The following TKFC variants were observed in gnomAD, a reference collection of about 807,000 sequenced individuals.
TKFC encodes the protein triokinase/FMN cyclase.
In TKFC, 46 loss-of-function variants were observed where a neutral mutation model predicts 61.0. The observed-to-expected ratio is 0.75, with a 90% CI of 0.60 to 0.96. The LOEUF (loss-of-function observed/expected upper bound fraction) is 0.96. Among genes scored for constraint, TKFC ranks in the 50% least tolerant of loss-of-function variants. The pLI is 0.00. For synonymous variants in TKFC, 314 were observed against 330.1 expected (o/e 0.95, Z 0.53); for missense variants, 715 against 777.5 (o/e 0.92, Z 0.96).
downstream of TKFC, chr11:61,349,548 G>C: frequency 1.4e-6 from 1 of 702,986 alleles, no homozygotes; most frequent in Non-Finnish European, 2.6e-6. Flanking sequence ...CTGTTCTTGG[G>C]AGAGCAGGTC....
chr11:61,342,830 C>T lies in TKFC; in HGVS notation c.851C>T (p.Thr284Ile). ...FLELGIIADATVRSLEGRGVK... is the reference protein window; with the variant it reads ...FLELGIIADAIVRSLEGRGVK... ...GAACTGGGCATCATAGCCGACGCTA[C>T]CGTCCGCTCCCTGGGTGAGCCATGC... The change falls in exon 10 of 18, where the codon ACC (threonine) becomes ATC (isoleucine). Residue 284 changes from threonine (T) to isoleucine (I), a missense_variant. By Grantham distance (89) the Thr-to-Ile change is moderately conservative. Coordinates refer to ENST00000394900, the MANE Select transcript of TKFC (RefSeq NM_015533.4). The T allele has an allele frequency of 6.2e-7, 1 of 1,614,032 alleles. No homozygotes were observed. Among genetic ancestry groups the T allele is most frequent in the South Asian group, 1.1e-5 (1 of 91,088 alleles).
chr11:61,344,358 CCT>C (rs1491353295), intron 13 of TKFC, 85 bp downstream of exon 13: 10 of 1,187,842 alleles, frequency 8.4e-6, no homozygotes, highest in South Asian at 3.5e-5. Flanking sequence ...CAGGGACCTT[CCT>C]TTTTTTTTTT....
At position 61,345,732 on chromosome 11, in the gene TKFC, G is replaced by A. The variant is rs754039805; in HGVS notation, c.1472G>A (p.Gly491Glu). ...AMQKYGKAAP[G>E]DRTMLDSLWA... Reference sequence around the variant, plus strand: ...GCCAGGTATGGCAAGGCTGCTCCAGGGGACAGGACTATGGTATGTACTCAG... The same window carrying A: ...GCCAGGTATGGCAAGGCTGCTCCAGAGGACAGGACTATGGTATGTACTCAG... The change falls in exon 16 of 18, where the codon GGG becomes GAG. Residue 491 changes from glycine (G) to glutamate (E), a missense_variant. Gly to Glu is a moderately conservative substitution (Grantham distance 98). Transcript: ENST00000394900. 13 of 1,614,142 alleles carry A rather than the reference G, an allele frequency of 8.1e-6. No individual in the cohort carries two copies. Among genetic ancestry groups the A allele is most frequent in the Middle Eastern group, 1.6e-4 (1 of 6,084 alleles).
downstream of TKFC, chr11:61,350,693 C>G (rs1857360398): frequency 1.7e-6 from 1 of 592,734 alleles, no homozygotes; most frequent in East Asian, 2.8e-5. Context: ...ACCCTTGTCA[C>G]AGTCAAGCCC....
intron 2 of TKFC, chr11:61,336,399 G>T (rs1486999103): frequency 6.5e-6 from 1 of 153,600 alleles, no homozygotes; most frequent in Non-Finnish European, 1.5e-5. Flanking sequence ...AGGTGGCGGT[G>T]GGAGCCCAGC....
Position 61,348,544 on chromosome 11 carries a change from A to C in TKFC, c.*2041A>C. ...CTGTGTTGAAAGGCTCACCCCCACT[A>C]TGGTAGTGTTAGGACGTGGGGCCTT... On this transcript the variant is annotated 3_prime_UTR_variant, in exon 18 of 18. Coordinates refer to ENST00000394900, the MANE Select transcript of TKFC (RefSeq NM_015533.4). The C allele has an allele frequency of 3.1e-6, 3 of 968,834 alleles. No homozygotes were observed. The highest frequency in any genetic ancestry group is 3.7e-6 in the Non-Finnish European group (3 of 814,794). The allele number at this position is 968,834 out of a possible 1,614,324, so 60.0% of individuals were successfully genotyped here. A position where few individuals can be genotyped will look rare whatever the true frequency, so the allele number is the denominator to read the frequency against.
chr11:61,337,389 G>T (rs1856653879), intron 2 of TKFC, among the ~76,000 whole-genome samples: 1 of 152,154 alleles, frequency 6.6e-6, no homozygotes, highest in African/African-American at 2.4e-5. Flanking sequence ...CAGGCGATCT[G>T]CCTGCCTCAG....
Position 61,346,280 on chromosome 11 carries a change from T to TTC in TKFC, c.1576-69_1576-68dup, listed in dbSNP as rs750644051. The TTC allele has an allele frequency of 6.2e-7, 1 of 1,604,566 alleles. No homozygotes were observed. The highest frequency in any genetic ancestry group is 8.5e-7 in the Non-Finnish European group (1 of 1,179,338). The stretch of plus-strand genomic sequence containing the variant: ...AGGGCCAGGCTGCACGGCAGAGACG[T>TTC]TCTGCCCATGGCAGGAAGGAGGCGG... On this transcript the variant is annotated intron_variant, in intron 17 of 17. Transcript: ENST00000394900. This position sits in a 1 kb window ranked among gnomAD's most constrained non-coding sequence, Gnocchi z 4.1.
intron 2 of TKFC, 141 bp from the exon 3 acceptor site, chr11:61,337,800 G>A (rs970318161): frequency 2.4e-5 from 16 of 670,812 alleles, no homozygotes; most frequent in Admixed American, 3.5e-5. Context: ...CTAAGATGTC[G>A]CCCAACTCAA....
intron 12 of TKFC, 60 bp downstream of exon 12, chr11:61,344,035 T>G (rs1590574537): frequency 6.2e-7 from 1 of 1,600,504 alleles, no homozygotes; most frequent in South Asian, 1.1e-5. Flanking sequence ...GAGTATACGG[T>G]GGGGCGGGTA....
chr11:61,350,529 GC>G, downstream of TKFC: 1 of 1,423,532 alleles, frequency 7.0e-7, no homozygotes, highest in Non-Finnish European at 9.7e-7. Context: ...CCCCATCCAA[GC>G]CACCAAATCC....
chr11:61,342,539 C>T, intron 8 of TKFC, 35 bp from the exon 9 acceptor site: 1 of 1,614,090 alleles, frequency 6.2e-7, no homozygotes, highest in South Asian at 1.1e-5. Context: ...GCCAAGGCCC[C>T]CCAGATGCAG....
At chr11:61,344,366 T>C in intron 13 of TKFC, 93 bp downstream of exon 13, 3 of 1,448,634 alleles carry the variant, frequency 2.1e-6, no homozygotes, top group Non-Finnish European at 2.8e-6. Context: ...TTCCTTTTTT[T>C]TTTTTTTTTT....
Position 61,346,419 on chromosome 11 carries a change from C to T in TKFC, c.1644C>T (p.Ser548=), listed in dbSNP as rs1246308414. The T allele has an allele frequency of 1.9e-6, 3 of 1,612,168 alleles. No individual in the cohort carries two copies. The highest frequency in any genetic ancestry group is 2.2e-5 in the East Asian group (1 of 44,894). The part of the protein sequence containing the change: ...EAGAGRASYI[S]SARLEQPDPG... ...GAGCCGGAAGAGCCAGTTATATCAG[C>T]TCAGCACGGCTGGAGCAGCCAGACC... Residue 548 remains serine, a synonymous_variant, in exon 18 of 18, where the codon AGC becomes AGT. Coordinates refer to ENST00000394900, the MANE Select transcript of TKFC (RefSeq NM_015533.4). The surrounding 1 kb of genome is among the most constrained non-coding windows in gnomAD (Gnocchi z 4.1).
At chr11:61,343,626 G>C in intron 11 of TKFC, 168 bp downstream of exon 11, 1 of 850,532 alleles carries the variant, frequency 1.2e-6, no homozygotes, top group South Asian at 1.7e-5. Flanking sequence ...CACTGGACTA[G>C]AAGGAGTTGG....
chr11:61,343,104 C>T (rs1856945230), intron 10 of TKFC: 1 of 609,584 alleles, frequency 1.6e-6, no homozygotes, highest in Admixed American at 2.9e-5. Flanking sequence ...ACACAGCGCC[C>T]AGCACCTGGC....
Position 61,347,125 on chromosome 11 carries a change from A to C in TKFC, c.*622A>C. 1.0e-6 allele frequency: 1 copy of C among 985,454 alleles called. No homozygotes were observed. The allele number at this position is 985,454 out of a possible 1,614,324, so 61.0% of individuals were successfully genotyped here. On this transcript the variant is annotated 3_prime_UTR_variant, in exon 18 of 18. Coordinates refer to ENST00000394900, the MANE Select transcript of TKFC (RefSeq NM_015533.4). ...GTACACACACCTGATGCATGTAAGAATGGTAGAGGGGCTTTTCTTAGCATT... is the reference window on the plus strand; with the variant it reads ...GTACACACACCTGATGCATGTAAGACTGGTAGAGGGGCTTTTCTTAGCATT...
In TKFC at chr11:61,345,909, G is replaced by T; in HGVS notation, c.1538G>T (p.Gly513Val). Residue 513 changes from glycine to valine, a missense_variant, in exon 17 of 18, where the codon GGA (glycine) becomes GTA (valine). Coordinates refer to ENST00000394900, the MANE Select transcript of TKFC (RefSeq NM_015533.4). The stretch of plus-strand genomic sequence containing the variant: ...GAGCTCCAAGCCTGGAAGAGCCCAG[G>T]AGCTGATCTGTTACAAGTCCTGACC... ...GQELQAWKSP[G>V]ADLLQVLTKA... The T allele has an allele frequency of 1.2e-6, 2 of 1,614,060 alleles. No individual in the cohort carries two copies. Among genetic ancestry groups the T allele is most frequent in the South Asian group, 1.1e-5 (1 of 91,066 alleles).
At chr11:61,338,263 A>C (rs1565047912) in intron 3 of TKFC, 133 bp downstream of exon 3, 3 of 826,998 alleles carry the variant, frequency 3.6e-6, no homozygotes, top group Admixed American at 3.6e-5. Context: ...CCACTCTCCC[A>C]CTCCCTCCGG....
Sources: allele counts gnomAD v4.1 joint callset (sites outside exome capture counted in the v4.1 genomes callset), GRCh38; gene constraint gnomAD v4.1.1; non-coding constraint Gnocchi (gnomAD v3.1); transcripts MANE v1.5; gene names NCBI Gene and HGNC (gene_info 2026-07-23, HGNC 2026-07-21).